CBX3: variants seen among roughly 807,000 people sequenced by gnomAD.
CBX3 encodes chromobox protein homolog 3.
CBX3 carries 5 observed loss-of-function variants against 22.6 expected under a neutral mutation model. The ratio of observed to expected loss-of-function variants is 0.22; its 90% CI spans 0.12 to 0.47. The LOEUF (loss-of-function observed/expected upper bound fraction) is 0.47. Among genes scored for constraint, CBX3 ranks in the 20% least tolerant of loss-of-function variants. The probability of loss-of-function intolerance (pLI) is 0.99; values close to 1 mark genes in which losing one functional copy is unlikely to be tolerated. For missense variants in CBX3, 83 were observed against 208.1 expected, an observed-to-expected ratio of 0.40 and a Z score of 3.70; for synonymous variants, 50 against 66.6, an observed-to-expected ratio of 0.75 and a Z score of 1.21.
At chr7:26,205,939 A>G (rs896353732) in intron 2 of CBX3, 1 of 155,618 alleles carries the variant, frequency 6.4e-6, no homozygotes, top group Admixed American at 6.5e-5. Flanking sequence ...CACAAAAAAA[A>G]TTAGCCCGGC....
chr7:26,207,289 A>C (rs113945730), intron 3 of CBX3, among the ~76,000 whole-genome samples: 37 of 152,314 alleles, frequency 2.4e-4, no homozygotes, highest in African/African-American at 8.9e-4. Context: ...GGAATTATGA[A>C]TTGAATGGGA....
chr7:26,208,244 G>GGGGTAATGTA, intron 3 of CBX3, 149 bp from the exon 4 acceptor site: 2 of 528,306 alleles, frequency 3.8e-6, no homozygotes, highest in Non-Finnish European at 6.6e-6. Flanking sequence ...GCTGGGGGGT[G>GGGGTAATGTA]GGGTAATGTA....
intron 2 of CBX3, among the ~76,000 whole-genome samples, chr7:26,204,106 C>T (rs1438802207): frequency 2.0e-5 from 3 of 152,124 alleles, no homozygotes; most frequent in African/African-American, 7.2e-5. Context: ...TATTTTGACT[C>T]ATCCACTTTT....
At chr7:26,202,935 A>G (rs192479687) in intron 1 of CBX3, 36 bp from the exon 2 acceptor site, 6 of 1,335,352 alleles carry the variant, frequency 4.5e-6, no homozygotes, top group Admixed American at 3.6e-5. Flanking sequence ...TTTTTGTGTC[A>G]TGCAAACTTA....
chr7:26,203,082 T>C lies in CBX3; in HGVS notation c.24+60T>C, dbSNP rs1302708880. The C allele has an allele frequency of 1.2e-5, 13 of 1,112,228 alleles. No homozygotes were observed. In the East Asian group the frequency reaches 2.4e-4, roughly 20 times the overall value. 68.9% of individuals were successfully genotyped at this position (1,112,228 alleles called of 1,614,324 possible). A position where few individuals can be genotyped will look rare whatever the true frequency, so the allele number is the denominator to read the frequency against. ...TAACTCAAGTTTTTTTTCCCCACAG[T>C]ATAACTTTGCATCTCTGTGGCTGAG... On this transcript the variant is annotated intron_variant, in intron 2 of 5. Coordinates refer to ENST00000396386, the MANE Select transcript of CBX3 (RefSeq NM_016587.4).
rs767813762 is a variant in CBX3 at position 26,212,295 on chromosome 7, T to C, written c.*87T>C. ...TGATTTACTAGTGTGACAAAATAAC[T>C]ACATCCTAATGAAAATCAAGTTTGA... On this transcript the variant is annotated 3_prime_UTR_variant, in exon 6 of 6. Transcript: ENST00000396386. 1 of 805,982 alleles carries C rather than the reference T, an allele frequency of 1.2e-6. No homozygotes were observed. Among genetic ancestry groups the C allele is most frequent in the Non-Finnish European group, 1.6e-6 (1 of 616,202 alleles). 49.9% of individuals were successfully genotyped at this position (805,982 alleles called of 1,614,324 possible). A position where few individuals can be genotyped will look rare whatever the true frequency, so the allele number is the denominator to read the frequency against.
intron 2 of CBX3, among the ~76,000 whole-genome samples, chr7:26,203,744 G>A (rs1483096798): frequency 6.6e-6 from 1 of 152,122 alleles, no homozygotes; most frequent in African/African-American, 2.4e-5. Context: ...ACGTAAAGGT[G>A]AATGTTAATG....
intron 4 of CBX3, among the ~76,000 whole-genome samples, chr7:26,209,103 C>T (rs1207837432): frequency 1.3e-5 from 2 of 149,570 alleles, no homozygotes; most frequent in Non-Finnish European, 3.0e-5. Flanking sequence ...GACGGGGTTT[C>T]ACCATGTTGG....
At chr7:26,202,167 G>A (rs951212917) in intron 1 of CBX3, 1 of 152,038 alleles carries the variant, frequency 6.6e-6, no homozygotes, top group Non-Finnish European at 1.5e-5. Flanking sequence ...GGGCTGGGTC[G>A]AGACTTGGGC....
chr7:26,202,750 G>T, intron 1 of CBX3: 1 of 511,852 alleles, frequency 2.0e-6, no homozygotes, highest in South Asian at 2.7e-5. Flanking sequence ...GCTGTTTTAG[G>T]TACCAGGATC....
chr7:26,208,363 CCT>C (rs1562746696), intron 3 of CBX3, 28 bp from the exon 4 acceptor site: 4 of 1,445,384 alleles, frequency 2.8e-6, no homozygotes, highest in Non-Finnish European at 2.8e-6. Context: ...AATTCAATCA[CCT>C]TTTTTTTTTT....
intron 3 of CBX3, among the ~76,000 whole-genome samples, chr7:26,206,836 G>C (rs1425672641): frequency 6.6e-6 from 1 of 152,176 alleles, no homozygotes; most frequent in Admixed American, 6.5e-5. Flanking sequence ...CCTCCACACA[G>C]AGGGTGCTAA....
chr7:26,211,186 G>T (rs1784796438), intron 4 of CBX3, among the ~76,000 whole-genome samples: 1 of 151,634 alleles, frequency 6.6e-6, no homozygotes, highest in Admixed American at 6.6e-5. Flanking sequence ...ACACAAGTTT[G>T]TTCTAACATT....
chr7:26,206,638 T>C (rs1027190495), intron 3 of CBX3, 128 bp downstream of exon 3: 59 of 854,812 alleles, frequency 6.9e-5, no homozygotes, highest in Non-Finnish European at 1.0e-4. Context: ...ACTTTGAATT[T>C]TAGGTGTCTC....
intron 3 of CBX3, 64 bp downstream of exon 3, chr7:26,206,574 T>A: frequency 4.7e-6 from 7 of 1,496,418 alleles, no homozygotes; most frequent in Non-Finnish European, 6.5e-6. Context: ...TAGAATTTGT[T>A]TTTAACCTGG....
chr7:26,206,292 A>G (rs547580717), intron 2 of CBX3, 76 bp from the exon 3 acceptor site: 11 of 903,350 alleles, frequency 1.2e-5, no homozygotes, highest in Admixed American at 1.1e-4. Context: ...TGATAATAAT[A>G]TAAGCAATTG....
intron 3 of CBX3, 74 bp downstream of exon 3, chr7:26,206,584 GCT>G: frequency 1.4e-6 from 2 of 1,400,400 alleles, no homozygotes; most frequent in African/African-American, 1.4e-5. Flanking sequence ...TTTTAACCTG[GCT>G]CTTTTACCTG....
At position 26,208,554 on chromosome 7, in the gene CBX3, C is replaced by T. The variant is rs559840314; in HGVS notation, c.329C>T (p.Ala110Val). The change falls in exon 4 of 6, where the codon GCT (alanine) becomes GTT (valine). Residue 110 changes from alanine (A) to valine (V), a missense_variant and splice_region_variant. Transcript: ENST00000396386. ...AGCAAATCAAAGAAGAAAAGAGATGCTGTAAGTATAAAATATTGCCCACCA... is the reference window on the plus strand; with the variant it reads ...AGCAAATCAAAGAAGAAAAGAGATGTTGTAAGTATAAAATATTGCCCACCA... ...DDSKSKKKRD[A>V]ADKPRGFARG... 6.2e-7 allele frequency: 1 copy of T among 1,602,788 alleles called. No individual in the cohort carries two copies. Among genetic ancestry groups the T allele is most frequent in the African/African-American group, 1.3e-5 (1 of 74,376 alleles).
At chr7:26,209,094 A>G (rs1037496530) in intron 4 of CBX3, among the ~76,000 whole-genome samples, 1 of 150,108 alleles carries the variant, frequency 6.7e-6, no homozygotes, top group African/African-American at 2.5e-5. Flanking sequence ...TTTAGTAGAG[A>G]CGGGGTTTCA....
Sources: gnomAD v4.1 joint callset for allele counts (sites outside exome capture counted in the v4.1 genomes callset) on GRCh38, gnomAD v4.1.1 for gene constraint, MANE v1.5 for transcripts, NCBI Gene and HGNC (gene_info 2026-07-23, HGNC 2026-07-21) for gene names.